The following SERINC5 variants were observed in gnomAD, a reference collection of about 807,000 sequenced individuals.
SERINC5 encodes serine incorporator 5, also known as chromosome 5 open reading frame 12.
Under a neutral mutation model 63.1 loss-of-function variants are expected in SERINC5, and 41 were observed. That is an observed-to-expected ratio of 0.65 (90% confidence interval 0.51 to 0.84). The LOEUF (loss-of-function observed/expected upper bound fraction) is 0.84. SERINC5 is among the 40% of genes least tolerant of loss of function. SERINC5 has a pLI of 0.00. For synonymous variants in SERINC5, 222 were observed against 215.2 expected (o/e 1.03, Z -0.28); for missense variants, 523 against 573.0 (o/e 0.91, Z 0.89).
chr5:80,143,937 C>T lies in SERINC5; in HGVS notation c.1239-127G>A, dbSNP rs145224970. 1,933 of 1,089,538 alleles carry T rather than the reference C, an allele frequency of 1.8e-3. 21 individuals carry two copies. The African/African-American group carries it at 0.027, about 15-fold the overall frequency. 67.5% of individuals were successfully genotyped at this position (1,089,538 alleles called of 1,614,324 possible). On this transcript the variant is annotated intron_variant, in intron 11 of 11. Coordinates refer to ENST00000507668, the MANE Select transcript of SERINC5 (RefSeq NM_001174072.3). The stretch of plus-strand genomic sequence containing the variant: ...TGTATTCATACACAGACTTGTGCTA[C>T]CATCAACACTACCCATTTCCAAACA...
intron 8 of SERINC5, among the ~76,000 whole-genome samples, chr5:80,155,771 A>G (rs1278373517): frequency 6.6e-6 from 1 of 152,064 alleles, no homozygotes; most frequent in Non-Finnish European, 1.5e-5. Flanking sequence ...AAAAAGAGCT[A>G]TCAGAGAACT....
chr5:80,120,721 A>G (rs1744508038), intron 11 of SERINC5, among the ~76,000 whole-genome samples: 2 of 152,086 alleles, frequency 1.3e-5, no homozygotes, highest in African/African-American at 4.8e-5. Context: ...TGGCTGAGGC[A>G]CAAGAATCGC....
At chr5:80,185,673 G>A (rs1180671438) in intron 2 of SERINC5, among the ~76,000 whole-genome samples, 1 of 152,092 alleles carries the variant, frequency 6.6e-6, no homozygotes, top group Non-Finnish European at 1.5e-5. Context: ...ACAGTCAAAG[G>A]GGGTTCGTTC....
intron 11 of SERINC5, among the ~76,000 whole-genome samples, chr5:80,133,469 A>C (rs1281038069): frequency 6.6e-6 from 1 of 152,196 alleles, no homozygotes; most frequent in South Asian, 2.1e-4. Context: ...TTTCATGCAG[A>C]GTGCTGAAAA....
intron 12 of SERINC5, among the ~76,000 whole-genome samples, chr5:80,112,218 G>A (rs543297612): frequency 1.5e-4 from 23 of 152,220 alleles, no homozygotes; most frequent in Non-Finnish European, 2.9e-4. Context: ...AAACCCGATT[G>A]TAGAAAACCA....
intron 2 of SERINC5, among the ~76,000 whole-genome samples, chr5:80,195,300 A>AT (rs1749430269): frequency 6.6e-6 from 1 of 152,058 alleles, no homozygotes; most frequent in Admixed American, 6.6e-5. Context: ...AAAAAAAAAA[A>AT]AATTCTAACA....
intron 1 of SERINC5, 64 bp from the exon 2 acceptor site, chr5:80,203,117 C>T: frequency 6.8e-7 from 1 of 1,474,288 alleles, no homozygotes; most frequent in South Asian, 1.2e-5. Flanking sequence ...GAAACATGGC[C>T]AGGCACTGTG....
intron 7 of SERINC5, among the ~76,000 whole-genome samples, chr5:80,164,208 T>C (rs1747121546): frequency 7.2e-5 from 11 of 152,128 alleles, no homozygotes; most frequent in Admixed American, 7.2e-4. Flanking sequence ...TCCTTTTTCA[T>C]TTCTAATTTT....
intron 9 of SERINC5, 149 bp from the exon 10 acceptor site, chr5:80,147,433 G>A: frequency 1.3e-6 from 1 of 794,162 alleles, no homozygotes; most frequent in South Asian, 1.6e-5. Flanking sequence ...GTTGGTGACA[G>A]GAAACCCCAT....
At position 80,174,997 on chromosome 5, in the gene SERINC5, G is replaced by A. The variant is rs1747937928; in HGVS notation, c.508C>T (p.Leu170Phe). 6.2e-7 allele frequency: 1 copy of A among 1,603,294 alleles called. No homozygotes were observed. The highest frequency in any genetic ancestry group is 1.3e-5 in the African/African-American group (1 of 74,764). ...VGGFLFIGIQLLLLVEFAHKW... is the reference protein window; with the variant it reads ...VGGFLFIGIQFLLLVEFAHKW... ...TGTGCAAACTCCACGAGCAGGAGGA[G>A]CTGGATGCCAATGAAGAGGAAGCCT... is the stretch of plus-strand genomic sequence containing the variant. The change falls in exon 5 of 12, where the codon CTC becomes TTC. Residue 170 changes from leucine to phenylalanine, a missense_variant. Leu to Phe is a conservative substitution (Grantham distance 22). Coordinates refer to ENST00000507668, the MANE Select transcript of SERINC5 (RefSeq NM_001174072.3).
chr5:80,202,960 G>A lies in SERINC5; in HGVS notation c.121C>T (p.Leu41Phe), dbSNP rs1749939473. ...AGGACGACGACCAGAATGAAGTAGA[G>A]GGCGTACATGAAGCGGGTGCTGAGG... ...QSLSTRFMYA[L>F]YFILVVVLCC... Residue 41 changes from leucine to phenylalanine, a missense_variant, in exon 2 of 12, where the codon CTC becomes TTC. Coordinates refer to ENST00000507668, the MANE Select transcript of SERINC5 (RefSeq NM_001174072.3). 1 of 1,613,744 alleles carries A rather than the reference G, an allele frequency of 6.2e-7. No individual in the cohort carries two copies. Among genetic ancestry groups the A allele is most frequent in the South Asian group, 1.1e-5 (1 of 91,044 alleles).
rs1745375393 is a variant in SERINC5 at position 80,139,573 on chromosome 5, A to G, written c.*4090T>C. ...ACCTTTCAAAATGACTGCCTCTGTG[A>G]AAGAGTTGTTGAGAAAGAAGAAAAG... On this transcript the variant is annotated 3_prime_UTR_variant, in exon 12 of 12. Coordinates refer to ENST00000507668, the MANE Select transcript of SERINC5 (RefSeq NM_001174072.3). 7 of 981,818 alleles carry G rather than the reference A, an allele frequency of 7.1e-6. No homozygotes were observed. The highest frequency in any genetic ancestry group is 8.4e-6 in the Non-Finnish European group (7 of 829,726). 60.8% of individuals were successfully genotyped at this position (981,818 alleles called of 1,614,324 possible). A position where few individuals can be genotyped will look rare whatever the true frequency, so the allele number is the denominator to read the frequency against.
At chr5:80,172,014 A>C (rs928079655) in intron 5 of SERINC5, among the ~76,000 whole-genome samples, 1 of 152,228 alleles carries the variant, frequency 6.6e-6, no homozygotes, top group African/African-American at 2.4e-5. Flanking sequence ...GAACCCGATA[A>C]ATATGTACAA....
At chr5:80,167,668 A>C (rs1413630136) in intron 6 of SERINC5, among the ~76,000 whole-genome samples, 1 of 152,166 alleles carries the variant, frequency 6.6e-6, no homozygotes, top group African/African-American at 2.4e-5. Context: ...TGGTTGAACT[A>C]ATTTACATTC....
intron 1 of SERINC5, among the ~76,000 whole-genome samples, chr5:80,254,901 C>G (rs1333519789): frequency 1.3e-5 from 2 of 152,214 alleles, no homozygotes; most frequent in Non-Finnish European, 2.9e-5. Flanking sequence ...ACAGTTTAAC[C>G]ACTCCATCAC....
intron 7 of SERINC5, among the ~76,000 whole-genome samples, chr5:80,161,044 A>G (rs1397378390): frequency 0.054 from 7,331 of 135,342 alleles, 646 homozygotes; most frequent in African/African-American, 0.21. Flanking sequence ...GTGTATATAT[A>G]TATATGTATG....
chr5:80,219,703 C>T (rs146815052), intron 1 of SERINC5, among the ~76,000 whole-genome samples: 1 of 152,266 alleles, frequency 6.6e-6, no homozygotes, highest in Non-Finnish European at 1.5e-5. Context: ...TGCAATTACC[C>T]CTTCGCCCCC....
chr5:80,115,923 G>A lies in SERINC5; in HGVS notation c.1239-2298C>T, dbSNP rs1744307072. On this transcript the variant is annotated intron_variant, in intron 11 of 12. Coordinates refer to the SERINC5 transcript ENST00000509193. ...CAATGGATAAAATTATAGAAAGGAG[G>A]GAAAGCCTTGATAAGGAGTCCTTAA... Among the ~76,000 whole-genome samples, 3 of 152,016 alleles carry A rather than the reference G, an allele frequency of 2.0e-5. No individual in the cohort carries two copies. The South Asian group carries it at 6.2e-4, about 31-fold the overall frequency.
downstream of SERINC5, chr5:80,111,645 G>C (rs552784735): frequency 6.6e-6 from 1 of 152,278 alleles, no homozygotes; most frequent in East Asian, 1.9e-4. Flanking sequence ...GGGTGGGTAA[G>C]GAGCCCTTGA....
Sources: allele counts gnomAD v4.1 joint callset (sites outside exome capture counted in the v4.1 genomes callset), GRCh38; gene constraint gnomAD v4.1.1; transcripts MANE v1.5; gene names NCBI Gene and HGNC (gene_info 2026-07-23, HGNC 2026-07-21).